The following NECAB1 variants were observed in gnomAD, a reference collection of about 807,000 sequenced individuals.
NECAB1 encodes the protein N-terminal EF-hand calcium binding protein 1, also known as N-terminal EF-hand calcium-binding protein 1.
Under a neutral mutation model 57.5 loss-of-function variants are expected in NECAB1, and 29 were observed. That is an observed-to-expected ratio of 0.50 (90% CI 0.38 to 0.69). NECAB1 has a LOEUF of 0.69. NECAB1 is among the 30% of genes least tolerant of loss of function. NECAB1 has a pLI of 0.00. For missense variants in NECAB1, 372 were observed against 413.8 expected (o/e 0.90, Z 0.88); for synonymous variants, 142 against 147.7 (o/e 0.96, Z 0.28).
chr8:90,935,522 A>G (rs527977196), intron 9 of NECAB1, among the ~76,000 whole-genome samples: 40 of 152,276 alleles, frequency 2.6e-4, no homozygotes, highest in African/African-American at 7.5e-4. Flanking sequence ...GCACATATAC[A>G]TACTAAGAAT....
At chr8:90,841,192 G>A (rs894394875) in intron 3 of NECAB1, among the ~76,000 whole-genome samples, 6 of 151,774 alleles carry the variant, frequency 4.0e-5, no homozygotes, top group South Asian at 2.1e-4. Context: ...CCTGGGAGGC[G>A]GAGCTTGCAG....
At chr8:90,893,159 A>G (rs1809229370) in intron 5 of NECAB1, among the ~76,000 whole-genome samples, 1 of 151,766 alleles carries the variant, frequency 6.6e-6, no homozygotes, top group Non-Finnish European at 1.5e-5. Flanking sequence ...CTGGTCCTCT[A>G]ATATTCCTGG....
chr8:90,825,673 C>T (rs543598421), intron 3 of NECAB1, among the ~76,000 whole-genome samples: 36 of 151,896 alleles, frequency 2.4e-4, no homozygotes, highest in Admixed American at 7.9e-4. Flanking sequence ...CATCTATAAA[C>T]AGACATTTTT....
intron 5 of NECAB1, among the ~76,000 whole-genome samples, chr8:90,907,147 T>TGAGAGAGAGAGA (rs1310639488): frequency 1.8e-4 from 19 of 106,608 alleles, no homozygotes; most frequent in African/African-American, 4.8e-4. Context: ...TGTGTGTGTG[T>TGAGAGAGAGAGA]GTGTGAGAGA....
intron 4 of NECAB1, among the ~76,000 whole-genome samples, chr8:90,878,966 C>T (rs1261689196): frequency 7.1e-6 from 1 of 141,476 alleles, no homozygotes; most frequent in African/African-American, 2.8e-5. Flanking sequence ...TAACTAATCA[C>T]TGTCTCTCTC....
chr8:90,792,729 T>C (rs552267044), intron 1 of NECAB1, among the ~76,000 whole-genome samples: 1 of 152,336 alleles, frequency 6.6e-6, no homozygotes, highest in East Asian at 1.9e-4. Context: ...CTGTTTCTTT[T>C]TCCCGTATGG....
chr8:90,798,960 G>A (rs1418573668), intron 1 of NECAB1, among the ~76,000 whole-genome samples: 1 of 151,978 alleles, frequency 6.6e-6, no homozygotes, highest in Non-Finnish European at 1.5e-5. Context: ...TCCAGAATGT[G>A]GTTGTGTTTT....
intron 3 of NECAB1, among the ~76,000 whole-genome samples, chr8:90,841,135 C>T (rs1379367084): frequency 6.6e-6 from 1 of 151,868 alleles, no homozygotes; most frequent in Non-Finnish European, 1.5e-5. Context: ...TGGCAGGCGC[C>T]TGTAGTCCCA....
chr8:90,844,471 A>G (rs4735415), intron 3 of NECAB1, among the ~76,000 whole-genome samples: 49,581 of 151,966 alleles, frequency 0.33, 9,299 homozygotes, highest in East Asian at 0.73. Flanking sequence ...TCATGCAGAT[A>G]TGTCTGCTGC....
chr8:90,807,559 C>G (rs2129659553), intron 2 of NECAB1, among the ~76,000 whole-genome samples: 1 of 152,286 alleles, frequency 6.6e-6, no homozygotes, highest in Middle Eastern at 3.4e-3. Context: ...CATCACCACC[C>G]CGCACTGTGC....
At chr8:90,937,953 T>A (rs1027552139) in intron 9 of NECAB1, among the ~76,000 whole-genome samples, 8 of 152,182 alleles carry the variant, frequency 5.3e-5, no homozygotes, top group Non-Finnish European at 1.5e-5. Context: ...TGTTTTACAA[T>A]GGTTGTTAAG....
intron 3 of NECAB1, among the ~76,000 whole-genome samples, chr8:90,858,541 A>G (rs1309310143): frequency 5.9e-5 from 9 of 152,110 alleles, no homozygotes; most frequent in East Asian, 1.9e-4. Flanking sequence ...GAGTATATCC[A>G]TGAATATCTG....
At chr8:90,797,871 C>T (rs1163599242) in intron 1 of NECAB1, among the ~76,000 whole-genome samples, 1 of 152,156 alleles carries the variant, frequency 6.6e-6, no homozygotes, top group Non-Finnish European at 1.5e-5. Flanking sequence ...ACCCAGTTTC[C>T]CTAAGTCTCT....
intron 3 of NECAB1, among the ~76,000 whole-genome samples, chr8:90,835,003 A>T (rs1224261300): frequency 1.6e-5 from 2 of 128,296 alleles, no homozygotes; most frequent in Admixed American, 1.6e-4. Context: ...TTTTTTTTAA[A>T]AAAGAGCCCG....
intron 3 of NECAB1, among the ~76,000 whole-genome samples, chr8:90,828,937 A>G (rs1042029297): frequency 2.6e-5 from 4 of 152,048 alleles, no homozygotes; most frequent in Admixed American, 1.3e-4. Flanking sequence ...GAAGGATATC[A>G]TGTCCACCTT....
chr8:90,899,833 A>G (rs1370971680), intron 5 of NECAB1, among the ~76,000 whole-genome samples: 1 of 152,224 alleles, frequency 6.6e-6, no homozygotes, highest in East Asian at 1.9e-4. Flanking sequence ...GCTAAACATA[A>G]TAGTTTGAAA....
intron 3 of NECAB1, among the ~76,000 whole-genome samples, chr8:90,842,093 A>C (rs1812465335): frequency 6.6e-6 from 1 of 152,148 alleles, no homozygotes; most frequent in Non-Finnish European, 1.5e-5. Context: ...TGCTGGGCTT[A>C]ATGCCTGGGT....
At chr8:90,831,527 T>A (rs916908929) in intron 3 of NECAB1, among the ~76,000 whole-genome samples, 4 of 152,168 alleles carry the variant, frequency 2.6e-5, no homozygotes, top group African/African-American at 9.7e-5. Flanking sequence ...CAGGAAAATC[T>A]GCAGCTATCT....
intron 5 of NECAB1, among the ~76,000 whole-genome samples, chr8:90,908,265 A>G (rs541492669): frequency 6.6e-6 from 1 of 152,286 alleles, no homozygotes; most frequent in African/African-American, 2.4e-5. Context: ...TTCAAAGAAA[A>G]GTGTGTGAGC....
Sources: gnomAD v4.1 joint callset for allele counts (sites outside exome capture counted in the v4.1 genomes callset) on GRCh38, gnomAD v4.1.1 for gene constraint, MANE v1.5 for transcripts, NCBI Gene and HGNC (gene_info 2026-07-23, HGNC 2026-07-21) for gene names.